Variants in CDH12 observed in about 807,000 individuals in gnomAD.
CDH12 encodes cadherin 12.
Under a neutral mutation model 74.1 loss-of-function variants are expected in CDH12, and 41 were observed. That is an observed-to-expected ratio of 0.55 (90% CI 0.43 to 0.72). CDH12 has a LOEUF of 0.72. CDH12 is among the 30% of genes least tolerant of loss of function. The pLI is 0.00. For missense variants in CDH12, 945 were observed against 977.2 expected (o/e 0.97, Z 0.44); for synonymous variants, 399 against 355.0 (o/e 1.12, Z -1.39).
chr5:22,678,015 C>A (rs997434376), intron 1 of CDH12, among the ~76,000 whole-genome samples: 1 of 138,832 alleles, frequency 7.2e-6, no homozygotes, highest in Non-Finnish European at 1.5e-5. Context: ...ACCTAAATAC[C>A]AGAAGGCTCA....
intron 1 of CDH12, among the ~76,000 whole-genome samples, chr5:22,564,698 A>G (rs1739210324): frequency 6.6e-6 from 1 of 151,824 alleles, no homozygotes; most frequent in African/African-American, 2.4e-5. Context: ...TCATCTTTGG[A>G]CTTCTTTATA....
intron 3 of CDH12, among the ~76,000 whole-genome samples, chr5:22,315,524 A>G (rs909142588): frequency 1.1e-4 from 16 of 152,296 alleles, no homozygotes; most frequent in African/African-American, 3.6e-4. Context: ...AAGAAAATGT[A>G]GGAGAATGAA....
chr5:22,282,549 G>C (rs757514950), intron 3 of CDH12, among the ~76,000 whole-genome samples: 40 of 151,380 alleles, frequency 2.6e-4, no homozygotes, highest in Non-Finnish European at 3.7e-4. Flanking sequence ...TACAAGCAAA[G>C]AACAAACAAC....
In CDH12 at chr5:22,850,321, G is replaced by A. The variant is rs1028169810; in HGVS notation, c.-523+2737C>T. On this transcript the variant is annotated intron_variant, in intron 1 of 14. Coordinates refer to ENST00000382254, the MANE Select transcript of CDH12 (RefSeq NM_004061.5). ...ATATATTACCCTCCTAGCATAGTAA[G>A]TCAGGAAAAAGCTGCAACTGTCTTA... Among the ~76,000 whole-genome samples the A allele has an allele frequency of 1.1e-4, 17 of 152,076 alleles. 1 individual carries two copies. The highest frequency in any genetic ancestry group is 3.9e-4 in the African/African-American group (16 of 41,536).
At chr5:22,472,946 G>GTT (rs1746026266) in intron 2 of CDH12, among the ~76,000 whole-genome samples, 1 of 152,034 alleles carries the variant, frequency 6.6e-6, no homozygotes, top group Non-Finnish European at 1.5e-5. Flanking sequence ...ATTTTACAAG[G>GTT]ATCTGTGGAA....
chr5:22,640,370 C>T (rs183263575), intron 1 of CDH12, among the ~76,000 whole-genome samples: 1 of 152,244 alleles, frequency 6.6e-6, no homozygotes, highest in East Asian at 1.9e-4. Context: ...AATCTTAAAA[C>T]ACATATCTCC....
intron 1 of CDH12, among the ~76,000 whole-genome samples, chr5:22,514,624 C>T (rs1474932834): frequency 6.6e-6 from 1 of 152,142 alleles, no homozygotes; most frequent in African/African-American, 2.4e-5. Context: ...CTGGCAGGCT[C>T]TTATCTGAGT....
chr5:22,813,333 T>C (rs1749237991), intron 1 of CDH12, among the ~76,000 whole-genome samples: 1 of 152,214 alleles, frequency 6.6e-6, no homozygotes, highest in East Asian at 1.9e-4. Context: ...GCAGGTTTAC[T>C]AAAGTTTAAT....
intron 12 of CDH12, among the ~76,000 whole-genome samples, chr5:21,763,475 C>CT (rs1387303444): frequency 6.6e-6 from 1 of 152,014 alleles, no homozygotes; most frequent in Non-Finnish European, 1.5e-5. Context: ...TAAATAACGA[C>CT]TTTTTTCAAC....
intron 1 of CDH12, among the ~76,000 whole-genome samples, chr5:22,799,201 A>T (rs780186): frequency 0.046 from 7,047 of 152,174 alleles, 546 homozygotes; most frequent in African/African-American, 0.16. Flanking sequence ...CCTTAGGCAT[A>T]TTTTTTCCTC....
intron 8 of CDH12, among the ~76,000 whole-genome samples, chr5:21,830,275 T>A (rs1227903021): frequency 3.4e-5 from 5 of 145,562 alleles, no homozygotes; most frequent in African/African-American, 7.7e-5. Flanking sequence ...CTTTTGAGGA[T>A]CCTCCATTTT....
intron 1 of CDH12, among the ~76,000 whole-genome samples, chr5:22,550,864 G>A (rs143322497): frequency 9.4e-4 from 143 of 152,274 alleles, no homozygotes; most frequent in Middle Eastern, 3.4e-3. Context: ...CTTCTGCCTC[G>A]TGTGCCCTCC....
At chr5:21,839,458 T>C (rs910685184) in intron 8 of CDH12, among the ~76,000 whole-genome samples, 19 of 152,130 alleles carry the variant, frequency 1.2e-4, no homozygotes, top group African/African-American at 4.6e-4. Context: ...TTATTGGGAG[T>C]GGGATGGCTC....
At chr5:22,636,081 A>T (rs999995204) in intron 1 of CDH12, among the ~76,000 whole-genome samples, 1 of 152,140 alleles carries the variant, frequency 6.6e-6, no homozygotes, top group African/African-American at 2.4e-5. Flanking sequence ...ATCAATAAGC[A>T]TATGAAAATG....
chr5:22,496,990 C>A (rs933948028), intron 2 of CDH12, among the ~76,000 whole-genome samples: 1 of 152,114 alleles, frequency 6.6e-6, no homozygotes, highest in African/African-American at 2.4e-5. Context: ...CACTTACCAG[C>A]TGTGTGATCT....
At chr5:22,827,527 C>T (rs1427089386) in intron 1 of CDH12, among the ~76,000 whole-genome samples, 1 of 152,188 alleles carries the variant, frequency 6.6e-6, no homozygotes, top group African/African-American at 2.4e-5. Flanking sequence ...TGGGGCACCA[C>T]ATTGAAGCAC....
intron 4 of CDH12, among the ~76,000 whole-genome samples, chr5:22,098,233 T>G (rs1743916212): frequency 6.6e-6 from 1 of 152,154 alleles, no homozygotes; most frequent in Non-Finnish European, 1.5e-5. Context: ...ATTACTTCAG[T>G]CAAGCCCAAA....
At chr5:22,418,566 G>T (rs764211586) in intron 2 of CDH12, among the ~76,000 whole-genome samples, 8 of 152,116 alleles carry the variant, frequency 5.3e-5, no homozygotes, top group South Asian at 2.1e-4. Flanking sequence ...CATTCAGTAT[G>T]ATATGGCTGT....
chr5:21,880,265 C>T (rs1477587756), intron 6 of CDH12, among the ~76,000 whole-genome samples: 1 of 152,204 alleles, frequency 6.6e-6, no homozygotes, highest in African/African-American at 2.4e-5. Flanking sequence ...AACTACCTTA[C>T]CCTTCAGTCA....
Sources: allele counts gnomAD v4.1 joint callset (sites outside exome capture counted in the v4.1 genomes callset), GRCh38; gene constraint gnomAD v4.1.1; transcripts MANE v1.5; gene names NCBI Gene and HGNC (gene_info 2026-07-23, HGNC 2026-07-21).